PTPN3: variants seen among roughly 807,000 people sequenced by gnomAD.
PTPN3 encodes the protein tyrosine-protein phosphatase non-receptor type 3.
PTPN3 carries 96 observed loss-of-function variants against 132.7 expected under a neutral mutation model. That is an observed-to-expected ratio of 0.72 (90% CI 0.61 to 0.86). The LOEUF is 0.86. Ranked by LOEUF, PTPN3 falls within the 40% of genes least tolerant of loss-of-function variation. The probability of loss-of-function intolerance (pLI) is 0.00; values close to 1 mark genes in which losing one functional copy is unlikely to be tolerated. For missense variants in PTPN3, 1,125 were observed against 1,159.6 expected, an observed-to-expected ratio of 0.97 and a Z score of 0.43; for synonymous variants, 398 against 429.0, an observed-to-expected ratio of 0.93 and a Z score of 0.89.
At chr9:109,451,230 A>G in intron 5 of PTPN3, 2 of 982,836 alleles carry the variant, frequency 2.0e-6, no homozygotes, top group Non-Finnish European at 2.4e-6. Context: ...TTCAAAAAAT[A>G]TATATATATA....
intron 1 of PTPN3, among the ~76,000 whole-genome samples, chr9:109,473,318 C>A: frequency 6.6e-6 from 1 of 152,132 alleles, no homozygotes; most frequent in Non-Finnish European, 1.5e-5. Flanking sequence ...ATTTGTAGGA[C>A]CCGTTGTATT....
chr9:109,504,387 G>A, the PTPN3 span, among the ~76,000 whole-genome samples: 129,906 of 152,172 alleles, frequency 0.85, 55,520 homozygotes, highest in South Asian at 0.94. Flanking sequence ...GTGCTTGTCA[G>A]CTCATCAAAA....
At chr9:109,449,343 G>A in intron 5 of PTPN3, 4 of 987,032 alleles carry the variant, frequency 4.1e-6, no homozygotes, top group Non-Finnish European at 4.8e-6. Flanking sequence ...ACACCTTCTT[G>A]GCTGGGGTAC....
chr9:109,399,062 G>T (rs2131682874), intron 19 of PTPN3, among the ~76,000 whole-genome samples: 1 of 152,304 alleles, frequency 6.6e-6, no homozygotes, highest in South Asian at 2.1e-4. Flanking sequence ...ATTGATGTAG[G>T]TCATACAGTG....
At chr9:109,449,529 G>A (rs550034189) in intron 5 of PTPN3, 3 of 985,526 alleles carry the variant, frequency 3.0e-6, no homozygotes, top group Admixed American at 1.2e-4. Flanking sequence ...GTCGTGGCAG[G>A]CCCCTCAGCC....
intron 12 of PTPN3, among the ~76,000 whole-genome samples, chr9:109,425,680 G>A (rs559523116): frequency 1.3e-5 from 2 of 149,104 alleles, no homozygotes; most frequent in East Asian, 2.0e-4. Flanking sequence ...TAGCCTGGGC[G>A]ACAGAGTGAG....
intron 1 of PTPN3, among the ~76,000 whole-genome samples, chr9:109,492,509 A>G (rs1847509074): frequency 6.6e-6 from 1 of 152,198 alleles, no homozygotes. Flanking sequence ...CTGACCACAA[A>G]GTGAGGGACC....
intron 12 of PTPN3, among the ~76,000 whole-genome samples, chr9:109,424,448 C>A (rs190695738): frequency 6.6e-6 from 1 of 152,254 alleles, no homozygotes; most frequent in African/African-American, 2.4e-5. Flanking sequence ...ACTGCAAGTT[C>A]TTTGAGTCTT....
chr9:109,477,142 G>T (rs887976300), intron 1 of PTPN3, among the ~76,000 whole-genome samples: 14 of 152,196 alleles, frequency 9.2e-5, no homozygotes, highest in Non-Finnish European at 1.6e-4. Context: ...CACGTGACTG[G>T]GAGGCAGACG....
intron 14 of PTPN3, among the ~76,000 whole-genome samples, chr9:109,415,060 A>ATCCGTCCG (rs1231921718): frequency 1.5e-3 from 67 of 44,794 alleles, no homozygotes; most frequent in Admixed American, 3.9e-3. Context: ...CCATCCGTCC[A>ATCCGTCCG]TCCGTCCGTC....
At chr9:109,401,122 T>C (rs1265189683) in intron 19 of PTPN3, among the ~76,000 whole-genome samples, 3 of 152,236 alleles carry the variant, frequency 2.0e-5, no homozygotes, top group Admixed American at 6.5e-5. Context: ...AGGAACTGTA[T>C]AGACAAAAAT....
At chr9:109,465,706 CAAA>C (rs34634972) in intron 1 of PTPN3, among the ~76,000 whole-genome samples, 16 of 64,832 alleles carry the variant, frequency 2.5e-4, no homozygotes, top group African/African-American at 8.3e-4. Context: ...AACTCTGTCT[CAAA>C]AAAAAAAAAA....
At chr9:109,534,202 G>A in the PTPN3 span, 1 of 1,206,176 alleles carries the variant, frequency 8.3e-7, no homozygotes. Flanking sequence ...TGCTGCTGAT[G>A]TGAAGCCTCC....
Position 109,416,438 on chromosome 9 carries a change from TGTTTTTTTGTTTC to T in PTPN3, c.1313+3973_1313+3985del, listed in dbSNP as rs1564415407. On this transcript the variant is annotated intron_variant, in intron 14 of 25. Transcript: ENST00000374541. ...CAATGAACAGAAGTTTTTTGTTTTT[TGTTTTTTTGTTTC>T]TTTTTTTTTTTTTTGACAGGGTCTC... Among the ~76,000 whole-genome samples the T allele has an allele frequency of 2.3e-3, 327 of 141,862 alleles. 1 individual carries two copies. The highest frequency in any genetic ancestry group is 7.5e-3 in the East Asian group (29 of 3,864). The allele number at this position is 141,862 out of a possible 152,430, so 93.1% of individuals were successfully genotyped here.
chr9:109,519,147 A>G, the PTPN3 span, among the ~76,000 whole-genome samples: 1 of 152,202 alleles, frequency 6.6e-6, no homozygotes, highest in Admixed American at 6.5e-5. Flanking sequence ...AGGGCATCAG[A>G]AAATGTGTTA....
At chr9:109,394,720 A>G (rs1281003397) in intron 19 of PTPN3, among the ~76,000 whole-genome samples, 1 of 152,252 alleles carries the variant, frequency 6.6e-6, no homozygotes, top group Non-Finnish European at 1.5e-5. Flanking sequence ...CAACACACAC[A>G]GTGTATATAA....
chr9:109,458,214 G>A (rs1008860691), intron 2 of PTPN3, among the ~76,000 whole-genome samples: 12 of 152,292 alleles, frequency 7.9e-5, no homozygotes, highest in African/African-American at 2.6e-4. Context: ...TGGTCATCTC[G>A]ACTGGGGCCG....
intron 9 of PTPN3, among the ~76,000 whole-genome samples, 167 bp from the exon 10 acceptor site, chr9:109,433,328 G>C (rs1461765691): frequency 2.0e-5 from 3 of 152,154 alleles, no homozygotes; most frequent in African/African-American, 7.2e-5. Context: ...ACTTAAGATC[G>C]AAGTACTGAG....
chr9:109,430,080 C>T (rs189248938), intron 10 of PTPN3, among the ~76,000 whole-genome samples: 242 of 152,228 alleles, frequency 1.6e-3, no homozygotes, highest in Admixed American at 3.7e-3. Flanking sequence ...GGGGTGACTA[C>T]AGGTTAATAG....
Sources: allele counts gnomAD v4.1 joint callset (sites outside exome capture counted in the v4.1 genomes callset), GRCh38; gene constraint gnomAD v4.1.1; transcripts MANE v1.5; gene names NCBI Gene and HGNC (gene_info 2026-07-23, HGNC 2026-07-21).